SLC7A10: variants seen among roughly 807,000 people sequenced by gnomAD.
SLC7A10 encodes the protein solute carrier family 7 member 10.
Under a neutral mutation model 52.7 loss-of-function variants are expected in SLC7A10, and 30 were observed. The ratio of observed to expected loss-of-function variants is 0.57; its 90% CI spans 0.43 to 0.77. SLC7A10 has a LOEUF of 0.77. SLC7A10 is among the 30% of genes least tolerant of loss of function. SLC7A10 has a pLI of 0.00. For missense variants in SLC7A10, 581 were observed against 698.5 expected (o/e 0.83, Z 1.90); for synonymous variants, 318 against 314.9 (o/e 1.01, Z -0.10).
At position 33,210,501 on chromosome 19, in the gene SLC7A10, CGCA is replaced by C. The variant is rs752902315; in HGVS notation, c.1226_1228del (p.Leu409del). 4 of 1,607,090 alleles carry C rather than the reference CGCA, an allele frequency of 2.5e-6. No individual in the cohort carries two copies. The highest frequency in any genetic ancestry group is 8.5e-7 in the Non-Finnish European group (1 of 1,179,294). Reference sequence around the variant, plus strand: ...CCTGTGGAGTGCAGGCCGCCTCCAGCGCAGCAGCAGCAGGCCCAGGATGGTGAC... The same window carrying C: ...CCTGTGGAGTGCAGGCCGCCTCCAGCGCAGCAGCAGGCCCAGGATGGTGAC... On this transcript the variant is annotated inframe_deletion, in exon 9 of 11. Transcript: ENST00000253188. The surrounding 1 kb of genome is among the most constrained non-coding windows in gnomAD (Gnocchi z 5.6).
At chr19:33,215,393 C>T (rs1403654290) in intron 2 of SLC7A10, among the ~76,000 whole-genome samples, 3 of 152,198 alleles carry the variant, frequency 2.0e-5, no homozygotes, top group African/African-American at 7.2e-5. Flanking sequence ...TGGGCACTCA[C>T]ATTACCTAGG....
chr19:33,211,618 T>C (rs1974556781), intron 5 of SLC7A10, 81 bp from the exon 6 acceptor site: 1 of 1,608,160 alleles, frequency 6.2e-7, no homozygotes, highest in Admixed American at 1.7e-5. Context: ...GAGCAGCTCA[T>C]AGTCTCCATC....
Position 33,225,770 on chromosome 19 carries a change from C to T in SLC7A10, c.-67G>A. 7.0e-7 allele frequency: 1 copy of T among 1,436,860 alleles called. No individual in the cohort carries two copies. Among genetic ancestry groups the T allele is most frequent in the Non-Finnish European group, 9.1e-7 (1 of 1,100,196 alleles). The allele number at this position is 1,436,860 out of a possible 1,614,324, so 89.0% of individuals were successfully genotyped here. On this transcript the variant is annotated 5_prime_UTR_variant, in exon 1 of 11. Transcript: ENST00000253188. ...CTGTCCGGCCGGCCGCCCGTCGGTC[C>T]GTCGGTCCGTGAGCTCACGGCCCTC... is the stretch of plus-strand genomic sequence containing the variant.
At chr19:33,215,267 CAAAAA>C (rs56214783) in intron 2 of SLC7A10, among the ~76,000 whole-genome samples, 56,587 of 115,448 alleles carry the variant, frequency 0.49, 13,636 homozygotes, top group Non-Finnish European at 0.62. Flanking sequence ...GACTCTGTCT[CAAAAA>C]AAAAAAAAAA....
At chr19:33,219,074 G>A (rs1449161387) in intron 1 of SLC7A10, among the ~76,000 whole-genome samples, 1 of 152,014 alleles carries the variant, frequency 6.6e-6, no homozygotes, top group Non-Finnish European at 1.5e-5. Flanking sequence ...TGGCTGACCA[G>A]AGAGATGTAG....
In SLC7A10 at chr19:33,225,689, C is replaced by A. The variant is rs772341976; in HGVS notation, c.15G>T (p.Thr5=). The A allele has an allele frequency of 6.5e-7, 1 of 1,540,996 alleles. No homozygotes were observed. The highest frequency in any genetic ancestry group is 8.7e-7 in the Non-Finnish European group (1 of 1,153,376). The stretch of plus-strand genomic sequence containing the variant: ...GGTTCCCGCGCCCGCTCGGCTGCTG[C>A]GTGTGGCCGGCCATGTCGCTGTCCC... MAGH[T]QQPSGRGNPR... is the part of the protein sequence containing the mutation. Residue 5 remains threonine (T), a synonymous_variant, in exon 1 of 11, where the codon ACG becomes ACT. Transcript: ENST00000253188.
Position 33,225,777 on chromosome 19 carries a change from C to T in SLC7A10, c.-74G>A. ...GCCGGCCGCCCGTCGGTCCGTCGGT[C>T]CGTGAGCTCACGGCCCTCGCAGCCG... On this transcript the variant is annotated 5_prime_UTR_variant, in exon 1 of 11. Transcript: ENST00000253188. 3.5e-6 allele frequency: 5 copies of T among 1,414,210 alleles called. No homozygotes were observed. The highest frequency in any genetic ancestry group is 3.7e-6 in the Non-Finnish European group (4 of 1,087,654). The allele number at this position is 1,414,210 out of a possible 1,614,324, so 87.6% of individuals were successfully genotyped here. A position where few individuals can be genotyped will look rare whatever the true frequency, so the allele number is the denominator to read the frequency against.
At chr19:33,209,136 T>C (rs528335058) in intron 10 of SLC7A10, 115 bp from the exon 11 acceptor site, 20 of 1,557,962 alleles carry the variant, frequency 1.3e-5, no homozygotes, top group Non-Finnish European at 1.7e-5. Flanking sequence ...TCGGTACCCG[T>C]GGTTCTGGAA....
chr19:33,221,384 C>T (rs911083305), intron 1 of SLC7A10, among the ~76,000 whole-genome samples: 4 of 152,166 alleles, frequency 2.6e-5, no homozygotes, highest in Non-Finnish European at 1.5e-5. Flanking sequence ...TGCCTGACAC[C>T]GTTCAGTATG....
chr19:33,209,649 G>A (rs1223342660), intron 9 of SLC7A10, among the ~76,000 whole-genome samples, 164 bp from the exon 10 acceptor site: 2 of 152,162 alleles, frequency 1.3e-5, no homozygotes, highest in African/African-American at 4.8e-5. Flanking sequence ...GTGTGTTGGA[G>A]GCCAATTCAT....
In SLC7A10 at chr19:33,211,512, A is replaced by G; in HGVS notation, c.814T>C (p.Ser272Pro). ...RKNLPRAIFI[S>P]IPLVTFVYTF... ...TACACGAAGGTCACCAGTGGGATGG[A>G]GATGAAGATGGCGCGAGGTAGGTTC... The change falls in exon 6 of 11, where the codon TCC becomes CCC. Residue 272 changes from serine (S) to proline (P), a missense_variant. Physicochemically the swap from Ser to Pro is moderately conservative, Grantham distance 74. Coordinates refer to ENST00000253188, the MANE Select transcript of SLC7A10 (RefSeq NM_019849.3). 1 of 1,613,998 alleles carries G rather than the reference A, an allele frequency of 6.2e-7. No homozygotes were observed. Among genetic ancestry groups the G allele is most frequent in the Non-Finnish European group, 8.5e-7 (1 of 1,180,006 alleles).
chr19:33,210,351 G>T lies in SLC7A10; in HGVS notation c.1263+116C>A. The T allele has an allele frequency of 7.6e-7, 1 of 1,315,368 alleles. No individual in the cohort carries two copies. The highest frequency in any genetic ancestry group is 1.0e-6 in the Non-Finnish European group (1 of 956,596). The allele number at this position is 1,315,368 out of a possible 1,614,324, so 81.5% of individuals were successfully genotyped here. ...CAGTGCACAGAGAGCCCTGAGCAGGGCCCAACACTCCACAAAAGCTGGCAC... is the reference window on the plus strand; with the variant it reads ...CAGTGCACAGAGAGCCCTGAGCAGGTCCCAACACTCCACAAAAGCTGGCAC... On this transcript the variant is annotated intron_variant, in intron 9 of 10. Transcript: ENST00000253188. The surrounding 1 kb of genome is among the most constrained non-coding windows in gnomAD (Gnocchi z 5.6).
At chr19:33,217,042 T>TC (rs1270720473) in intron 1 of SLC7A10, among the ~76,000 whole-genome samples, 1 of 152,056 alleles carries the variant, frequency 6.6e-6, no homozygotes, top group Non-Finnish European at 1.5e-5. Context: ...CCAGGTTTTT[T>TC]TTTTTTTTAC....
In SLC7A10 at chr19:33,210,998, C is replaced by T; in HGVS notation, c.1017-100G>A. On this transcript the variant is annotated intron_variant, in intron 7 of 10. Coordinates refer to ENST00000253188, the MANE Select transcript of SLC7A10 (RefSeq NM_019849.3). The surrounding 1 kb of genome is among the most constrained non-coding windows in gnomAD (Gnocchi z 5.6). ...GTCGCCTCTGACCTCCTGCTCCGGG[C>T]CCAGCAGCCCCACTGGACAGTTCTC... The T allele has an allele frequency of 8.5e-7, 1 of 1,170,586 alleles. No homozygotes were observed. The highest frequency in any genetic ancestry group is 1.3e-6 in the Non-Finnish European group (1 of 794,998). 72.5% of individuals were successfully genotyped at this position (1,170,586 alleles called of 1,614,324 possible).
chr19:33,209,151 T>G (rs1974479964), intron 10 of SLC7A10, 130 bp from the exon 11 acceptor site: 6 of 1,536,714 alleles, frequency 3.9e-6, no homozygotes, highest in Admixed American at 1.9e-5. Flanking sequence ...CTGGAAACTT[T>G]GGGTACATCT....
rs1974461282 is a variant in SLC7A10 at position 33,208,716 on chromosome 19, A to G, written c.*175T>C. The G allele has an allele frequency of 2.6e-6, 2 of 764,902 alleles. No homozygotes were observed. The highest frequency in any genetic ancestry group is 4.3e-6 in the Non-Finnish European group (2 of 469,840). The allele number at this position is 764,902 out of a possible 1,614,324, so 47.4% of individuals were successfully genotyped here. Reference sequence around the variant, plus strand: ...CCTTTTCAGGAAGAGCTAGCAGGGCAGTGCTAAGACAGGAAACCCAGTCCA... The same window carrying G: ...CCTTTTCAGGAAGAGCTAGCAGGGCGGTGCTAAGACAGGAAACCCAGTCCA... On this transcript the variant is annotated 3_prime_UTR_variant, in exon 11 of 11. Transcript: ENST00000253188. The surrounding 1 kb of genome is among the most constrained non-coding windows in gnomAD (Gnocchi z 4.7).
chr19:33,213,052 G>A (rs1399821382), intron 2 of SLC7A10, 50 bp from the exon 3 acceptor site: 15 of 1,552,968 alleles, frequency 9.7e-6, no homozygotes, highest in South Asian at 1.2e-5. Flanking sequence ...AGCCCTTCCC[G>A]GCCAACCTGG....
At position 33,225,632 on chromosome 19, in the gene SLC7A10, T is replaced by G. The variant is rs762820073; in HGVS notation, c.72A>C (p.Pro24=). ...PRPAPSPSPV[P]GTVPGASERV... ...GCTCCGAGGCGCCGGGGACGGTCCC[T>G]GGGACTGGGGAGGGCGAGGGCGCAG... The change falls in exon 1 of 11, where the codon CCA becomes CCC. Residue 24 remains proline (P), a synonymous_variant. Transcript: ENST00000253188. 1.9e-5 allele frequency: 31 copies of G among 1,590,046 alleles called. No homozygotes were observed.
chr19:33,213,886 C>T (rs576449874), intron 2 of SLC7A10, among the ~76,000 whole-genome samples: 8 of 152,270 alleles, frequency 5.3e-5, no homozygotes, highest in African/African-American at 1.4e-4. Context: ...TTTCCTGCAC[C>T]CAGGGGTGGG....
Sources: allele counts gnomAD v4.1 joint callset (sites outside exome capture counted in the v4.1 genomes callset), GRCh38; gene constraint gnomAD v4.1.1; non-coding constraint Gnocchi (gnomAD v3.1); transcripts MANE v1.5; gene names NCBI Gene and HGNC (gene_info 2026-07-23, HGNC 2026-07-21).